Variants in MACROD2 observed in about 807,000 individuals in gnomAD.
MACROD2 encodes the protein ADP-ribose glycohydrolase MACROD2.
A neutral mutation model predicts 70.4 loss-of-function variants in MACROD2; 36 were observed. The observed-to-expected ratio is 0.51, with a 90% CI of 0.39 to 0.68. The LOEUF is 0.68. Among genes scored for constraint, MACROD2 ranks in the 30% least tolerant of loss-of-function variants. The pLI is 0.00. For synonymous variants in MACROD2, 172 were observed against 178.8 expected (o/e 0.96, Z 0.30); for missense variants, 496 against 538.4 (o/e 0.92, Z 0.78).
chr20:14,013,971 C>T (rs1254021944), intron 2 of MACROD2, among the ~76,000 whole-genome samples: 1 of 152,088 alleles, frequency 6.6e-6, no homozygotes, highest in South Asian at 2.1e-4. Flanking sequence ...AAAAACAAAA[C>T]CCCCAAATCT....
intron 3 of MACROD2, among the ~76,000 whole-genome samples, chr20:14,222,486 G>A (rs1013985873): frequency 6.6e-6 from 1 of 152,156 alleles, no homozygotes; most frequent in Non-Finnish European, 1.5e-5. Context: ...ACACTAGGAA[G>A]TGTGAGGGGA....
chr20:14,882,092 A>G lies in MACROD2; in HGVS notation c.418+197133A>G, dbSNP rs143291503. Among the ~76,000 whole-genome samples the G allele has an allele frequency of 3.6e-3, 549 of 152,342 alleles. 6 individuals are homozygous for G. The highest frequency in any genetic ancestry group is 0.013 in the African/African-American group (530 of 41,582). On this transcript the variant is annotated intron_variant, in intron 5 of 17. Transcript: ENST00000684519. ...AGGAACCATCTTTAATAAGTGTCAA[A>G]GTAAGGAGTCAAGCTCAGGCAGTCA...
intron 3 of MACROD2, among the ~76,000 whole-genome samples, chr20:14,232,915 G>A (rs1569218657): frequency 1.3e-5 from 2 of 152,172 alleles, no homozygotes; most frequent in South Asian, 2.1e-4. Flanking sequence ...GCTTTTGATC[G>A]AAAGTGAGAC....
At position 15,206,721 on chromosome 20, in the gene MACROD2, G is replaced by T. The variant is rs201822544; in HGVS notation, c.419-23219G>T. On this transcript the variant is annotated intron_variant, in intron 5 of 17. Transcript: ENST00000684519. ...GCATGAAGTCTTTCATATTATCTAT[G>T]TTTTTTTTTTTTTTTTTTTTTTTTT... Among the ~76,000 whole-genome samples the T allele has an allele frequency of 1.3e-3, 44 of 32,980 alleles. 1 individual carries two copies. The highest frequency in any genetic ancestry group is 3.0e-3 in the Admixed American group (6 of 2,014). The allele number at this position is 32,980 out of a possible 152,430, so 21.6% of individuals were successfully genotyped here. A position where few individuals can be genotyped will look rare whatever the true frequency, so the allele number is the denominator to read the frequency against.
intron 5 of MACROD2, among the ~76,000 whole-genome samples, chr20:14,831,694 C>T (rs1230355086): frequency 4.3e-5 from 6 of 139,814 alleles, no homozygotes; most frequent in Admixed American, 7.8e-5. Flanking sequence ...GCAGGAGAAT[C>T]GCTTGAACCG....
chr20:14,997,172 G>A (rs970619322), intron 5 of MACROD2, among the ~76,000 whole-genome samples: 1 of 152,096 alleles, frequency 6.6e-6, no homozygotes, highest in East Asian at 1.9e-4. Context: ...AAAGGAGTGG[G>A]GAGAATAAAG....
intron 8 of MACROD2, among the ~76,000 whole-genome samples, chr20:15,549,795 A>G (rs1258451629): frequency 6.6e-6 from 1 of 152,196 alleles, no homozygotes; most frequent in Non-Finnish European, 1.5e-5. Flanking sequence ...ATATTCAGTC[A>G]GGGAACATGT....
At chr20:15,301,505 T>A (rs947710367) in intron 6 of MACROD2, among the ~76,000 whole-genome samples, 11 of 152,028 alleles carry the variant, frequency 7.2e-5, no homozygotes, top group Non-Finnish European at 1.3e-4. Flanking sequence ...AGATTTCCTT[T>A]GGTTTCTTGA....
chr20:15,846,309 G>T (rs2064230262), intron 8 of MACROD2, among the ~76,000 whole-genome samples: 1 of 152,094 alleles, frequency 6.6e-6, no homozygotes, highest in Non-Finnish European at 1.5e-5. Context: ...AATCTCATAG[G>T]TTCCCTCACT....
intron 2 of MACROD2, among the ~76,000 whole-genome samples, chr20:14,048,899 G>C (rs912747168): frequency 6.6e-6 from 1 of 152,098 alleles, no homozygotes; most frequent in Non-Finnish European, 1.5e-5. Context: ...TGACAGCTGA[G>C]AAATAAAATT....
intron 10 of MACROD2, among the ~76,000 whole-genome samples, chr20:15,889,979 C>A (rs1165289864): frequency 1.3e-5 from 2 of 152,118 alleles, no homozygotes; most frequent in Non-Finnish European, 2.9e-5. Flanking sequence ...GAAAGTTGTT[C>A]CTCCCAAGCC....
intron 3 of MACROD2, among the ~76,000 whole-genome samples, chr20:14,439,156 A>T (rs563644995): frequency 6.6e-6 from 1 of 152,140 alleles, no homozygotes; most frequent in Admixed American, 6.6e-5. Context: ...TGTTGAGGAG[A>T]CTATTTTTTC....
intron 3 of MACROD2, among the ~76,000 whole-genome samples, chr20:14,292,459 A>C (rs547699327): frequency 6.6e-6 from 1 of 152,032 alleles, no homozygotes; most frequent in East Asian, 1.9e-4. Context: ...AGTAGTGCTA[A>C]GGTTGAGAAA....
intron 15 of MACROD2, among the ~76,000 whole-genome samples, chr20:15,991,311 T>G (rs1015570005): frequency 1.3e-5 from 2 of 152,226 alleles, no homozygotes; most frequent in African/African-American, 2.4e-5. Context: ...TCTCTTCTGC[T>G]TCTACCAATC....
intron 7 of MACROD2, among the ~76,000 whole-genome samples, chr20:15,461,112 A>G (rs975630918): frequency 2.7e-5 from 4 of 150,448 alleles, no homozygotes; most frequent in African/African-American, 9.8e-5. Flanking sequence ...GGCTCAAGTG[A>G]GTCTCCTGCC....
intron 4 of MACROD2, among the ~76,000 whole-genome samples, chr20:14,588,325 G>A (rs956718801): frequency 6.6e-6 from 1 of 152,066 alleles, no homozygotes; most frequent in Admixed American, 6.6e-5. Context: ...GTGTACCAAT[G>A]TATGTTTTTA....
intron 3 of MACROD2, among the ~76,000 whole-genome samples, chr20:14,236,393 T>C (rs140183140): frequency 6.6e-6 from 1 of 152,216 alleles, no homozygotes; most frequent in African/African-American, 2.4e-5. Context: ...TAAGACATTA[T>C]AGTAGTGTTG....
intron 8 of MACROD2, among the ~76,000 whole-genome samples, chr20:15,667,499 G>GTATCTATGTATC (rs1555857569): frequency 2.7e-5 from 4 of 150,256 alleles, no homozygotes; most frequent in African/African-American, 9.7e-5. Flanking sequence ...ATCTATCTAT[G>GTATCTATGTATC]TATCTATCTA....
intron 9 of MACROD2, among the ~76,000 whole-genome samples, chr20:15,867,340 A>G (rs747320727): frequency 7.0e-4 from 106 of 152,080 alleles, no homozygotes; most frequent in Non-Finnish European, 1.0e-3. Context: ...GCTTTAAGAA[A>G]CTCCAGGGAA....
Sources: gnomAD v4.1 joint callset for allele counts (sites outside exome capture counted in the v4.1 genomes callset) on GRCh38, gnomAD v4.1.1 for gene constraint, MANE v1.5 for transcripts, NCBI Gene and HGNC (gene_info 2026-07-23, HGNC 2026-07-21) for gene names.